Variants in TBX15 observed in about 807,000 individuals in gnomAD.
TBX15 encodes the protein T-box transcription factor 15.
A neutral mutation model predicts 53.9 loss-of-function variants in TBX15; 18 were observed. The ratio of observed to expected loss-of-function variants is 0.33; its 90% CI spans 0.23 to 0.49. TBX15 has a LOEUF of 0.49. Among genes scored for constraint, TBX15 ranks in the 20% least tolerant of loss-of-function variants. The pLI is 0.98. For synonymous variants in TBX15, 295 were observed against 278.0 expected, an observed-to-expected ratio of 1.06 and a Z score of -0.61; for missense variants, 692 against 749.5, an observed-to-expected ratio of 0.92 and a Z score of 0.90.
intron 7 of TBX15, among the ~76,000 whole-genome samples, chr1:118,895,176 C>A (rs1003268867): frequency 6.6e-6 from 1 of 152,116 alleles, no homozygotes; most frequent in African/African-American, 2.4e-5. Flanking sequence ...TCAACAGAGA[C>A]CCTCATAATC....
upstream of TBX15, among the ~76,000 whole-genome samples, chr1:118,988,566 G>T (rs949534219): frequency 6.6e-6 from 1 of 152,198 alleles, no homozygotes; most frequent in African/African-American, 2.4e-5. Flanking sequence ...ACAGTTGAAA[G>T]TTGAGGTCTG....
intron 7 of TBX15, among the ~76,000 whole-genome samples, chr1:118,889,901 A>T (rs1021533643): frequency 7.9e-5 from 12 of 152,130 alleles, no homozygotes; most frequent in Admixed American, 3.3e-4. Flanking sequence ...GCCTCAAAGC[A>T]TTGGGATTAC....
chr1:118,928,167 C>T (rs1655661297), intron 2 of TBX15, among the ~76,000 whole-genome samples: 1 of 152,198 alleles, frequency 6.6e-6, no homozygotes, highest in Admixed American at 6.5e-5. Context: ...CTAATATCCC[C>T]TGGCAGTAGG....
chr1:118,940,989 T>C (rs546067658), intron 1 of TBX15, among the ~76,000 whole-genome samples: 1 of 149,900 alleles, frequency 6.7e-6, no homozygotes, highest in South Asian at 2.1e-4. Context: ...ATAAACTGGG[T>C]GGTCTTCAAG....
chr1:118,929,425 G>A lies in TBX15; in HGVS notation c.419+2194C>T, dbSNP rs531236504. Among the ~76,000 whole-genome samples the A allele has an allele frequency of 2.5e-3, 380 of 152,210 alleles. 1 individual carries two copies. The highest frequency in any genetic ancestry group is 8.9e-3 in the African/African-American group (370 of 41,522). ...AGAAATTAACCAGGAGAATGAGAAG[G>A]AATGAAGAAAATTCACAGAAGAGAA... On this transcript the variant is annotated intron_variant, in intron 2 of 7. Transcript: ENST00000369429.
chr1:118,920,270 G>A (rs185668828), intron 5 of TBX15, among the ~76,000 whole-genome samples: 2 of 152,274 alleles, frequency 1.3e-5, no homozygotes, highest in East Asian at 1.9e-4. Flanking sequence ...AGAGAGTGCA[G>A]TCCCCTAACA....
chr1:118,900,213 T>A (rs926023419), intron 6 of TBX15, among the ~76,000 whole-genome samples: 1 of 152,110 alleles, frequency 6.6e-6, no homozygotes, highest in Non-Finnish European at 1.5e-5. Flanking sequence ...ATGGCATAAA[T>A]CTTTTCATTG....
At chr1:118,930,805 T>TTTTAGAGCCACACAGA (rs1437387828) in intron 2 of TBX15, among the ~76,000 whole-genome samples, 1 of 152,224 alleles carries the variant, frequency 6.6e-6, no homozygotes, top group Non-Finnish European at 1.5e-5. Context: ...GAGACCACTG[T>TTTTAGAGCCACACAGA]TTTAGAGCCA....
intron 6 of TBX15, 75 bp from the exon 7 acceptor site, chr1:118,899,200 G>A: frequency 1.3e-5 from 18 of 1,337,112 alleles, no homozygotes; most frequent in South Asian, 6.1e-5. Context: ...AGATCCAGAG[G>A]TGGACTGTCA....
At chr1:118,922,896 G>A (rs1655469137) in intron 5 of TBX15, among the ~76,000 whole-genome samples, 1 of 149,562 alleles carries the variant, frequency 6.7e-6, no homozygotes, top group Non-Finnish European at 1.5e-5. Flanking sequence ...TTCTGATGTT[G>A]AAATATTTAT....
At chr1:118,926,456 T>C in intron 3 of TBX15, 54 bp downstream of exon 3, 7 of 1,482,436 alleles carry the variant, frequency 4.7e-6, no homozygotes, top group Non-Finnish European at 6.6e-6. Context: ...GTTTGAAGAA[T>C]TGTCTTGGAA....
Position 118,924,690 on chromosome 1 carries a change from C to G in TBX15, c.649G>C (p.Asp217His). The G allele has an allele frequency of 1.9e-6, 3 of 1,613,986 alleles. No homozygotes were observed. Among genetic ancestry groups the G allele is most frequent in the Non-Finnish European group, 2.5e-6 (3 of 1,179,942 alleles). ...DTWMRQVVSFDKLKLTNNELD... is the reference protein window; with the variant it reads ...DTWMRQVVSFHKLKLTNNELD... ...TCATTGTTGGTAAGCTTGAGTTTGT[C>G]AAAACTGACCACCTGTCTCATCCAG... Residue 217 changes from aspartate to histidine, a missense_variant, in exon 4 of 8, where the codon GAC (aspartate) becomes CAC (histidine). Asp to His is a moderately conservative substitution (Grantham distance 81). Around this residue, in one of 3 missense-constraint regions of TBX15, gnomAD observed 307 missense variants for 347.5 expected, o/e 0.88. Coordinates refer to ENST00000369429, the MANE Select transcript of TBX15 (RefSeq NM_001330677.2).
In TBX15 at chr1:118,923,334, T is replaced by C. The variant is rs2101591163; in HGVS notation, c.861+102A>G. ...TTAACATTTAGTGGACTAAGGGTTG[T>C]TGTATGTCAAATTCCCCTGAAAGTA... is the stretch of plus-strand genomic sequence containing the variant. On this transcript the variant is annotated intron_variant, in intron 5 of 7. Coordinates refer to ENST00000369429, the MANE Select transcript of TBX15 (RefSeq NM_001330677.2). 3 of 1,430,258 alleles carry C rather than the reference T, an allele frequency of 2.1e-6. No homozygotes were observed. The South Asian group carries it at 3.6e-5, about 17-fold the overall frequency. The allele number at this position is 1,430,258 out of a possible 1,614,324, so 88.6% of individuals were successfully genotyped here. A position where few individuals can be genotyped will look rare whatever the true frequency, so the allele number is the denominator to read the frequency against.
chr1:118,914,292 ATTTCC>A, intron 5 of TBX15, 113 bp from the exon 6 acceptor site: 1 of 1,017,692 alleles, frequency 9.8e-7, no homozygotes, highest in Non-Finnish European at 1.5e-6. Context: ...CTTTTATTTA[ATTTCC>A]TTTCAGCTCA....
intron 5 of TBX15, among the ~76,000 whole-genome samples, chr1:118,918,315 C>T (rs565480826): frequency 1.3e-5 from 2 of 151,926 alleles, no homozygotes; most frequent in Non-Finnish European, 2.9e-5. Flanking sequence ...TTAAGCAGAA[C>T]CTAGTGTGAC....
intron 6 of TBX15, among the ~76,000 whole-genome samples, chr1:118,899,392 G>T (rs1018997284): frequency 2.0e-5 from 3 of 152,084 alleles, no homozygotes; most frequent in Non-Finnish European, 4.4e-5. Context: ...AATGAGGCTA[G>T]GTCTGCAGGC....
intron 1 of TBX15, among the ~76,000 whole-genome samples, chr1:118,975,365 C>T (rs1657389241): frequency 6.6e-6 from 1 of 152,186 alleles, no homozygotes; most frequent in South Asian, 2.1e-4. Flanking sequence ...AGGAAAAGAC[C>T]TGGAAACTAT....
intron 1 of TBX15, among the ~76,000 whole-genome samples, chr1:118,947,481 T>C (rs910490857): frequency 6.6e-6 from 1 of 152,184 alleles, no homozygotes; most frequent in Non-Finnish European, 1.5e-5. Context: ...TGACTCTACC[T>C]AGAGATATGA....
intron 1 of TBX15, among the ~76,000 whole-genome samples, chr1:118,969,911 T>C (rs1657173819): frequency 1.3e-5 from 2 of 152,262 alleles, no homozygotes; most frequent in South Asian, 2.1e-4. Context: ...AATGTCATGT[T>C]GTTTTGTAAT....
Sources: allele counts gnomAD v4.1 joint callset (sites outside exome capture counted in the v4.1 genomes callset), GRCh38; gene constraint gnomAD v4.1.1; regional missense constraint gnomAD v4.1.1; transcripts MANE v1.5; gene names NCBI Gene and HGNC (gene_info 2026-07-23, HGNC 2026-07-21).